The following LRRC9 variants were observed in gnomAD, a reference collection of about 807,000 sequenced individuals.
The protein encoded by LRRC9 is leucine-rich repeat-containing protein 9.
A neutral mutation model predicts 63.2 loss-of-function variants in LRRC9; 122 were observed. The ratio of observed to expected loss-of-function variants is 1.93; its 90% confidence interval spans 1.67 to 2.24. The LOEUF (loss-of-function observed/expected upper bound fraction) is 2.24, where lower values mean the gene tolerates loss of function less well. LRRC9 is among the 30% of genes most tolerant of loss of function. LRRC9 has a pLI of 0.00. For missense variants in LRRC9, 1,071 were observed against 627.7 expected (o/e 1.71, Z -7.55); for synonymous variants, 366 against 213.1 (o/e 1.72, Z -6.25).
Position 59,958,903 on chromosome 14 carries a change from C to G in LRRC9, c.883-915C>G, listed in dbSNP as rs1250836299. ...TTGCACTTCCTGGGTGATGTGACACCCCACCCTGCTTCTGCTCACCCTCTG... is the reference window on the plus strand; with the variant it reads ...TTGCACTTCCTGGGTGATGTGACACGCCACCCTGCTTCTGCTCACCCTCTG... On this transcript the variant is annotated intron_variant, in intron 8 of 31. Coordinates refer to ENST00000445360, the Ensembl canonical transcript of LRRC9. This position sits in a 1 kb window ranked among gnomAD's most constrained non-coding sequence, Gnocchi z 4.0. Among the ~76,000 whole-genome samples, 1 of 152,172 alleles carries G rather than the reference C, an allele frequency of 6.6e-6. No individual in the cohort carries two copies. Among genetic ancestry groups the G allele is most frequent in the Non-Finnish European group, 1.5e-5 (1 of 68,028 alleles).
Position 60,003,894 on chromosome 14 carries a change from TC to T in LRRC9, c.2842+97del. 1 of 516,780 alleles carries T rather than the reference TC, an allele frequency of 1.9e-6. No individual in the cohort carries two copies. Among genetic ancestry groups the T allele is most frequent in the Non-Finnish European group, 3.4e-6 (1 of 295,592 alleles). 32.0% of individuals were successfully genotyped at this position (516,780 alleles called of 1,614,324 possible). On this transcript the variant is annotated intron_variant, in intron 21 of 31. Transcript: ENST00000445360. This position sits in a 1 kb window ranked among gnomAD's most constrained non-coding sequence, Gnocchi z 4.2. ...GGAACAGAGTTTCTGAAGAGGAAGA[TC>T]TCTAGGAAAGTTCCAAGTTTTTGTG...
intron 15 of LRRC9, among the ~76,000 whole-genome samples, chr14:59,980,474 T>C (rs901861106): frequency 6.6e-6 from 1 of 152,176 alleles, no homozygotes; most frequent in Middle Eastern, 3.2e-3. Flanking sequence ...TGACTATTCT[T>C]AAACAGTATC....
chr14:59,967,015 C>A, intron 11 of LRRC9, 81 bp from the exon 12 acceptor site: 1 of 542,040 alleles, frequency 1.8e-6, no homozygotes, highest in Non-Finnish European at 3.4e-6. Context: ...ATATCCCTGG[C>A]AGGACATATG....
chr14:59,965,853 A>C (rs1429248244), intron 10 of LRRC9, among the ~76,000 whole-genome samples: 3 of 124,180 alleles, frequency 2.4e-5, no homozygotes, highest in African/African-American at 8.9e-5. Flanking sequence ...CCTGCACTCT[A>C]GCCTGGGCGA....
At chr14:60,037,993 G>A (rs923597435) in intron 29 of LRRC9, among the ~76,000 whole-genome samples, 1 of 152,194 alleles carries the variant, frequency 6.6e-6, no homozygotes, top group Non-Finnish European at 1.5e-5. Flanking sequence ...TGGCCAGCCA[G>A]TTTTCCCAGC....
chr14:59,989,488 G>C (rs560091132), intron 17 of LRRC9, among the ~76,000 whole-genome samples: 5 of 151,486 alleles, frequency 3.3e-5, no homozygotes, highest in African/African-American at 4.9e-5. Context: ...TCATTTCATT[G>C]TTTCTGGGTC....
intron 7 of LRRC9, among the ~76,000 whole-genome samples, chr14:59,941,748 A>G (rs1881787427): frequency 6.6e-6 from 1 of 152,196 alleles, no homozygotes; most frequent in African/African-American, 2.4e-5. Flanking sequence ...ACAATGTATA[A>G]TGATCAAATA....
intron 1 of LRRC9, among the ~76,000 whole-genome samples, chr14:59,926,040 C>T (rs1278280947): frequency 6.6e-6 from 1 of 152,126 alleles, no homozygotes; most frequent in Non-Finnish European, 1.5e-5. Flanking sequence ...GGTTTGCTTC[C>T]CCTTCTGCTG....
intron 31 of LRRC9, among the ~76,000 whole-genome samples, chr14:60,063,076 G>A (rs900698841): frequency 4.6e-5 from 7 of 151,928 alleles, no homozygotes; most frequent in Non-Finnish European, 7.4e-5. Flanking sequence ...TTTATTTTTA[G>A]TAAAGGCAGG....
intron 27 of LRRC9, among the ~76,000 whole-genome samples, chr14:60,026,407 T>C (rs1291643239): frequency 6.6e-6 from 1 of 152,240 alleles, no homozygotes; most frequent in Non-Finnish European, 1.5e-5. Flanking sequence ...TTTCTTCTTT[T>C]GAGAAATGTC....
At chr14:60,066,667 T>A (rs1163876259), downstream of LRRC9, among the ~76,000 whole-genome samples, 1 of 152,232 alleles carries the variant, frequency 6.6e-6, no homozygotes, top group Non-Finnish European at 1.5e-5. Flanking sequence ...AAATTCTCAG[T>A]TGCCTTTTAG....
In LRRC9 at chr14:60,003,310, T is replaced by A. The variant is rs563178897; in HGVS notation, c.2665-311T>A. 1.3e-3 allele frequency among the ~76,000 whole-genome samples: 198 copies of A among 152,238 alleles called. 2 individuals are homozygous for A. Among genetic ancestry groups the A allele is most frequent in the African/African-American group, 4.6e-3 (193 of 41,556 alleles). On this transcript the variant is annotated intron_variant, in intron 20 of 31. Coordinates refer to ENST00000445360, the Ensembl canonical transcript of LRRC9. This position sits in a 1 kb window ranked among gnomAD's most constrained non-coding sequence, Gnocchi z 4.2. ...TTGGCAGCTGTCTACAGCAAGGCAG[T>A]CCCTGCAGGGACTGACAGCTGAAGA...
chr14:59,997,524 C>G (rs1203170445), intron 17 of LRRC9, 132 bp from the exon 18 acceptor site: 1 of 503,842 alleles, frequency 2.0e-6, no homozygotes, highest in African/African-American at 2.0e-5. Flanking sequence ...ATCATTGCAA[C>G]ATAACTACTG....
chr14:60,004,857 A>C lies in LRRC9; in HGVS notation c.2842+1059A>C, dbSNP rs553425179. Among the ~76,000 whole-genome samples, 8 of 138,942 alleles carry C rather than the reference A, an allele frequency of 5.8e-5. No individual in the cohort carries two copies. The South Asian group carries it at 1.9e-3, about 33-fold the overall frequency. The allele number at this position is 138,942 out of a possible 152,430, so 91.2% of individuals were successfully genotyped here. A position where few individuals can be genotyped will look rare whatever the true frequency, so the allele number is the denominator to read the frequency against. On this transcript the variant is annotated intron_variant, in intron 21 of 31. Coordinates refer to ENST00000445360, the Ensembl canonical transcript of LRRC9. This position sits in a 1 kb window ranked among gnomAD's most constrained non-coding sequence, Gnocchi z 4.8. ...CACAAGTGTGCACTATTTGATTGAAAAGAGAAATATGTATATGTGTGTATA... is the reference window on the plus strand; with the variant it reads ...CACAAGTGTGCACTATTTGATTGAACAGAGAAATATGTATATGTGTGTATA...
At chr14:60,059,228 C>T (rs897156355) in intron 31 of LRRC9, 2 of 152,116 alleles carry the variant, frequency 1.3e-5, no homozygotes, top group Admixed American at 1.3e-4. Flanking sequence ...TCTATTGGTG[C>T]CATGTTTCCA....
chr14:60,039,014 G>A (rs886386999), intron 29 of LRRC9, among the ~76,000 whole-genome samples: 1 of 152,176 alleles, frequency 6.6e-6, no homozygotes, highest in Admixed American at 6.5e-5. Flanking sequence ...TGCATCTATT[G>A]AGATAATCAT....
chr14:59,981,343 G>T (rs868861623), intron 15 of LRRC9, among the ~76,000 whole-genome samples: 18 of 151,956 alleles, frequency 1.2e-4, no homozygotes, highest in African/African-American at 3.1e-4. Context: ...AAGTATTCTG[G>T]TTTTTTCTAG....
rs1238630765 is a variant in LRRC9 at position 59,927,990 on chromosome 14, T to C, written c.47T>C (p.Leu16Pro). 1.5e-6 allele frequency: 1 copy of C among 682,492 alleles called. No homozygotes were observed. The highest frequency in any genetic ancestry group is 2.7e-6 in the Non-Finnish European group (1 of 377,264). The allele number at this position is 682,492 out of a possible 1,614,324, so 42.3% of individuals were successfully genotyped here. A position where few individuals can be genotyped will look rare whatever the true frequency, so the allele number is the denominator to read the frequency against. The change falls in exon 2 of 32, where the codon CTG becomes CCG. Residue 16 changes from leucine to proline, a missense_variant and splice_region_variant. Leu to Pro is a moderately conservative substitution (Grantham distance 98, BLOSUM62 -3). Coordinates refer to ENST00000445360, the Ensembl canonical transcript of LRRC9. The surrounding 1 kb of genome is among the most constrained non-coding windows in gnomAD (Gnocchi z 4.4). ...AACCAAGAAGAAATAATTAAAGAAC[T>C]GGTGAGTCAAAGTCAAATTTCTTTT...
chr14:59,955,533 T>C (rs1161258366), intron 8 of LRRC9, among the ~76,000 whole-genome samples: 2 of 152,182 alleles, frequency 1.3e-5, no homozygotes, highest in East Asian at 3.8e-4. Flanking sequence ...CTTCTCTCTT[T>C]TCTTCTTTAT....
Sources: allele counts gnomAD v4.1 joint callset (sites outside exome capture counted in the v4.1 genomes callset), GRCh38; gene constraint gnomAD v4.1.1; non-coding constraint Gnocchi (gnomAD v3.1); transcripts MANE v1.5; gene names NCBI Gene and HGNC (gene_info 2026-07-23, HGNC 2026-07-21).